CALR3: variants seen among roughly 807,000 people sequenced by gnomAD.
The protein encoded by CALR3 is calreticulin 3.
A neutral mutation model predicts 48.7 loss-of-function variants in CALR3; 39 were observed. The ratio of observed to expected loss-of-function variants is 0.80; its 90% confidence interval spans 0.62 to 1.05. The LOEUF (loss-of-function observed/expected upper bound fraction) is 1.05, where lower values mean the gene tolerates loss of function less well. Among genes scored for constraint, CALR3 ranks in the 50% least tolerant of loss-of-function variants. The probability of loss-of-function intolerance (pLI) is 0.00; values close to 1 mark genes in which losing one functional copy is unlikely to be tolerated. For synonymous variants in CALR3, 185 were observed against 172.7 expected (o/e 1.07, Z -0.56); for missense variants, 449 against 474.7 (o/e 0.95, Z 0.50).
chr19:16,492,506 G>A (rs1042691763), intron 2 of CALR3, among the ~76,000 whole-genome samples: 1 of 152,064 alleles, frequency 6.6e-6, no homozygotes, highest in Non-Finnish European at 1.5e-5. Flanking sequence ...CGAGGCGGGC[G>A]GATCACCTGA....
At chr19:16,481,434 C>T (rs1188475016) in intron 7 of CALR3, among the ~76,000 whole-genome samples, 1 of 149,740 alleles carries the variant, frequency 6.7e-6, no homozygotes, top group Non-Finnish European at 1.5e-5. Flanking sequence ...TCGGGATCAC[C>T]AAAACTTTTT....
At chr19:16,493,003 C>T (rs2093400435) in intron 2 of CALR3, among the ~76,000 whole-genome samples, 1 of 152,150 alleles carries the variant, frequency 6.6e-6, no homozygotes, top group Admixed American at 6.6e-5. Flanking sequence ...TGCACTCCAG[C>T]CTGGGTAACA....
intron 4 of CALR3, among the ~76,000 whole-genome samples, chr19:16,484,702 A>G (rs2093386515): frequency 6.7e-6 from 1 of 149,042 alleles, no homozygotes; most frequent in Non-Finnish European, 1.5e-5. Flanking sequence ...ATTTTTTGTC[A>G]TGACAAGATT....
chr19:16,487,596 T>C lies in CALR3; in HGVS notation c.398-2339A>G, dbSNP rs147893048. On this transcript the variant is annotated intron_variant, in intron 3 of 8. Coordinates refer to ENST00000269881, the MANE Select transcript of CALR3 (RefSeq NM_145046.5). ...TTGATGTTTCAGATATCTGGGTGTT[T>C]TTTAGTTCTATTTTTATTTTTATTT... Among the ~76,000 whole-genome samples, 130 of 152,118 alleles carry C rather than the reference T, an allele frequency of 8.5e-4. 1 individual carries two copies. The highest frequency in any genetic ancestry group is 3.0e-3 in the African/African-American group (126 of 41,500).
intron 8 of CALR3, among the ~76,000 whole-genome samples, chr19:16,479,932 C>T (rs371372661): frequency 4.1e-4 from 63 of 152,042 alleles, no homozygotes; most frequent in African/African-American, 1.3e-3. Context: ...TGGCTGGGCG[C>T]GGTGGCTCAC....
At chr19:16,494,207 T>C (rs549473318) in intron 2 of CALR3, among the ~76,000 whole-genome samples, 9 of 152,134 alleles carry the variant, frequency 5.9e-5, no homozygotes, top group African/African-American at 2.2e-4. Flanking sequence ...ATTATAGTTG[T>C]GCGCCACCAC....
At chr19:16,487,491 A>AC (rs2093390936) in intron 3 of CALR3, among the ~76,000 whole-genome samples, 1 of 151,518 alleles carries the variant, frequency 6.6e-6, no homozygotes, top group South Asian at 2.1e-4. Flanking sequence ...CAAAAAAAAA[A>AC]AAAAAAACAT....
chr19:16,485,081 G>A, intron 4 of CALR3, 82 bp downstream of exon 4: 1 of 965,236 alleles, frequency 1.0e-6, no homozygotes, highest in Non-Finnish European at 1.6e-6. Flanking sequence ...GCTCAGTTAA[G>A]TATTTTATTA....
intron 4 of CALR3, among the ~76,000 whole-genome samples, chr19:16,484,813 C>T (rs1276748763): frequency 1.3e-5 from 2 of 152,188 alleles, no homozygotes; most frequent in Admixed American, 1.3e-4. Flanking sequence ...CCACTGCACC[C>T]AGACATTTCT....
chr19:16,495,431 C>T (rs759015849), intron 2 of CALR3, among the ~76,000 whole-genome samples: 79 of 151,098 alleles, frequency 5.2e-4, no homozygotes, highest in Middle Eastern at 3.4e-3. Flanking sequence ...TGGTGGCGCG[C>T]GCCTGTAGTC....
rs1599724101 is a variant in CALR3 at position 16,496,037 on chromosome 19, A to C, written c.91+2T>G. ...CCGCCACCACGGGCGTGGCCCCTTC[A>C]CCTCCGTCTAGAAATTCCTCTTGGA... On this transcript the variant is annotated splice_donor_variant, in intron 1 of 8. Transcript: ENST00000269881. LOFTEE classifies it high-confidence loss of function. 1 of 1,590,020 alleles carries C rather than the reference A, an allele frequency of 6.3e-7. No homozygotes were observed. The highest frequency in any genetic ancestry group is 8.6e-7 in the Non-Finnish European group (1 of 1,167,880).
At chr19:16,488,102 C>T (rs998340484) in intron 3 of CALR3, among the ~76,000 whole-genome samples, 6 of 151,866 alleles carry the variant, frequency 4.0e-5, no homozygotes, top group African/African-American at 1.5e-4. Context: ...TGTGAGCCAC[C>T]GCGCCCGGCT....
chr19:16,479,756 TCAAAACAAAA>T (rs527383415), intron 8 of CALR3, among the ~76,000 whole-genome samples: 9 of 150,988 alleles, frequency 6.0e-5, no homozygotes, highest in African/African-American at 7.3e-5. Flanking sequence ...AAAACCCGTC[TCAAAACAAAA>T]CAAAACAAAA....
chr19:16,489,148 A>C (rs1251709842), intron 3 of CALR3, among the ~76,000 whole-genome samples: 1 of 152,262 alleles, frequency 6.6e-6, no homozygotes, highest in Non-Finnish European at 1.5e-5. Context: ...CAGTGGGCCA[A>C]TTTGGCCCAC....
At chr19:16,494,694 A>G (rs1402147073) in intron 2 of CALR3, among the ~76,000 whole-genome samples, 1 of 152,194 alleles carries the variant, frequency 6.6e-6, no homozygotes, top group Non-Finnish European at 1.5e-5. Context: ...TTAAAATGAG[A>G]AAAAGTACCC....
At position 16,495,941 on chromosome 19, in the gene CALR3, G is replaced by A. The variant is rs1392593784; in HGVS notation, c.92-89C>T. 4.5e-6 allele frequency: 7 copies of A among 1,564,896 alleles called. No individual in the cohort carries two copies. In the Admixed American group the frequency reaches 5.3e-5, roughly 12 times the overall value. On this transcript the variant is annotated intron_variant, in intron 1 of 8. Coordinates refer to ENST00000269881, the MANE Select transcript of CALR3 (RefSeq NM_145046.5). ...GTGAAGGGGACCCTCGAGGATTCGAGGGTTCGCTGCCGTGGACCCCGTGGC... is the reference window on the plus strand; with the variant it reads ...GTGAAGGGGACCCTCGAGGATTCGAAGGTTCGCTGCCGTGGACCCCGTGGC...
Position 16,496,160 on chromosome 19 carries a change from C to A in CALR3, c.-31G>T, listed in dbSNP as rs1568489213. The A allele has an allele frequency of 1.3e-6, 2 of 1,543,692 alleles. No individual in the cohort carries two copies. Among genetic ancestry groups the A allele is most frequent in the Non-Finnish European group, 1.8e-6 (2 of 1,136,204 alleles). Reference sequence around the variant, plus strand: ...TGTGCACTGCGCTTCCGGTCGCCGCCACCCCTTAGCTCCCAGCTCTCTCTG... The same window carrying A: ...TGTGCACTGCGCTTCCGGTCGCCGCAACCCCTTAGCTCCCAGCTCTCTCTG... On this transcript the variant is annotated 5_prime_UTR_variant, in exon 1 of 9. Transcript: ENST00000269881.
intron 2 of CALR3, among the ~76,000 whole-genome samples, chr19:16,491,050 G>A (rs190032672): frequency 1.5e-4 from 23 of 152,004 alleles, no homozygotes; most frequent in Middle Eastern, 3.4e-3. Flanking sequence ...GTGAGCCAGC[G>A]TGCCTGGCCC....
rs780912191 is a variant in CALR3, at chr19:16,484,115, C to T, written c.493G>A (p.Val165Ile). 3 of 1,613,010 alleles carry T rather than the reference C, an allele frequency of 1.9e-6. No homozygotes were observed. In the African/African-American group the frequency reaches 4.0e-5, roughly 22 times the overall value. Residue 165 changes from valine to isoleucine, a missense_variant and splice_region_variant, in exon 5 of 9, where the codon GTT (valine) becomes ATT (isoleucine). By Grantham distance (29) the Val-to-Ile change is conservative. Transcript: ENST00000269881. Reference sequence around the variant, plus strand: ...GTGTACAGGTGTGTGAAGCCATCAACCTGCATATTTTAGGGGGAAAAGCGT... The same window carrying T: ...GTGTACAGGTGTGTGAAGCCATCAATCTGCATATTTTAGGGGGAAAAGCGT... ...HENKKLIRCK[V>I]DGFTHLYTLI...
Sources: allele counts gnomAD v4.1 joint callset (sites outside exome capture counted in the v4.1 genomes callset), GRCh38; gene constraint gnomAD v4.1.1; transcripts MANE v1.5; gene names NCBI Gene and HGNC (gene_info 2026-07-23, HGNC 2026-07-21).